The following ITGBL1 variants were observed in gnomAD, a reference collection of about 807,000 sequenced individuals.
ITGBL1 encodes the protein integrin beta-like protein 1.
Under a neutral mutation model 68.5 loss-of-function variants are expected in ITGBL1, and 51 were observed. The observed-to-expected ratio is 0.74, with a 90% CI of 0.59 to 0.94. ITGBL1 has a LOEUF of 0.94. Among genes scored for constraint, ITGBL1 ranks in the 40% least tolerant of loss-of-function variants. The probability of loss-of-function intolerance (pLI) is 0.00; values close to 1 mark genes in which losing one functional copy is unlikely to be tolerated. For synonymous variants in ITGBL1, 209 were observed against 227.3 expected (o/e 0.92, Z 0.72); for missense variants, 649 against 647.4 (o/e 1.00, Z -0.03).
chr13:101,493,031 A>T (rs1333660869), intron 2 of ITGBL1, among the ~76,000 whole-genome samples: 1 of 152,206 alleles, frequency 6.6e-6, no homozygotes, highest in Non-Finnish European at 1.5e-5. Context: ...TGTTGTACAA[A>T]GTTTATTGTG....
At chr13:101,498,089 T>TTAATATATCTG (rs2048883766) in intron 2 of ITGBL1, among the ~76,000 whole-genome samples, 1 of 152,168 alleles carries the variant, frequency 6.6e-6, no homozygotes, top group African/African-American at 2.4e-5. Context: ...TATGCACATC[T>TTAATATATCTG]TAATATATCT....
intron 6 of ITGBL1, among the ~76,000 whole-genome samples, chr13:101,591,875 G>T (rs562854390): frequency 2.0e-5 from 3 of 152,128 alleles, no homozygotes; most frequent in South Asian, 4.2e-4. Context: ...TAGGAATTAT[G>T]GAAAGCTCAG....
chr13:101,544,365 G>A lies in ITGBL1; in HGVS notation c.317-23334G>A, dbSNP rs886342248. On this transcript the variant is annotated intron_variant, in intron 2 of 10. Coordinates refer to ENST00000376180, the MANE Select transcript of ITGBL1 (RefSeq NM_004791.3). ...TATCAGCAGCGGCAGCTGCAGAACC[G>A]CGGATATTGGTGAACAGCAAATGTT... Among the ~76,000 whole-genome samples, 9 of 152,314 alleles carry A rather than the reference G, an allele frequency of 5.9e-5. No homozygotes were observed. In the South Asian group the frequency reaches 1.4e-3, roughly 25 times the overall value.
intron 2 of ITGBL1, among the ~76,000 whole-genome samples, chr13:101,457,895 A>G (rs918245757): frequency 4.6e-5 from 7 of 152,242 alleles, no homozygotes; most frequent in Non-Finnish European, 7.3e-5. Flanking sequence ...TTTCTAAAGC[A>G]TTCCTGGTTG....
intron 7 of ITGBL1, among the ~76,000 whole-genome samples, chr13:101,647,525 A>G (rs2032599847): frequency 6.6e-6 from 1 of 152,236 alleles, no homozygotes; most frequent in Admixed American, 6.5e-5. Flanking sequence ...GAATGCCGTT[A>G]AGGCAGCCAG....
At chr13:101,547,673 A>T (rs1422297593) in intron 2 of ITGBL1, among the ~76,000 whole-genome samples, 1 of 151,804 alleles carries the variant, frequency 6.6e-6, no homozygotes, top group Non-Finnish European at 1.5e-5. Flanking sequence ...AGTCAAAAAT[A>T]ATTTATTGTA....
chr13:101,615,411 G>A (rs1365741013), intron 7 of ITGBL1, among the ~76,000 whole-genome samples: 3 of 152,108 alleles, frequency 2.0e-5, no homozygotes, highest in Non-Finnish European at 2.9e-5. Context: ...AATCAAGCCC[G>A]CTTCTACCAG....
intron 2 of ITGBL1, among the ~76,000 whole-genome samples, chr13:101,454,796 G>A (rs936952401): frequency 6.6e-6 from 1 of 152,080 alleles, no homozygotes; most frequent in African/African-American, 2.4e-5. Context: ...CTGTAACAAG[G>A]AAAAAAGTAA....
At chr13:101,561,578 CAG>C (rs773794912) in intron 2 of ITGBL1, among the ~76,000 whole-genome samples, 1 of 152,048 alleles carries the variant, frequency 6.6e-6, no homozygotes, top group Non-Finnish European at 1.5e-5. Flanking sequence ...CAAAAACAAA[CAG>C]AAACTCTTAC....
intron 2 of ITGBL1, among the ~76,000 whole-genome samples, chr13:101,535,229 T>C (rs1384371137): frequency 6.6e-6 from 1 of 152,072 alleles, no homozygotes; most frequent in Non-Finnish European, 1.5e-5. Context: ...ATCTTAAGTA[T>C]GTTTTTATTA....
chr13:101,655,587 G>C (rs965875813), intron 7 of ITGBL1, among the ~76,000 whole-genome samples: 1 of 151,808 alleles, frequency 6.6e-6, no homozygotes, highest in African/African-American at 2.4e-5. Flanking sequence ...ATTTCTGTGT[G>C]TAAACCCAAT....
At chr13:101,520,759 C>T (rs1304688194) in intron 2 of ITGBL1, among the ~76,000 whole-genome samples, 11 of 152,118 alleles carry the variant, frequency 7.2e-5, no homozygotes, top group East Asian at 1.9e-4. Context: ...TTTGCTGAGA[C>T]GGCAAAACAA....
intron 10 of ITGBL1, 28 bp downstream of exon 10, chr13:101,714,579 C>A: frequency 1.5e-6 from 2 of 1,313,514 alleles, no homozygotes; most frequent in Non-Finnish European, 2.2e-6. Flanking sequence ...TCTAATTGCT[C>A]TATGCCACAG....
chr13:101,559,179 C>A (rs1397215711), intron 2 of ITGBL1, among the ~76,000 whole-genome samples: 2 of 152,106 alleles, frequency 1.3e-5, no homozygotes, highest in Admixed American at 6.6e-5. Context: ...GTCATGGTTG[C>A]TTTTAGTAGC....
At chr13:101,707,005 G>GC in intron 9 of ITGBL1, 103 bp downstream of exon 9, 1 of 1,233,172 alleles carries the variant, frequency 8.1e-7, no homozygotes, top group Non-Finnish European at 1.2e-6. Context: ...TTGCATGAAA[G>GC]CAAACCACTA....
At chr13:101,454,399 T>TGCC (rs2048210934) in intron 2 of ITGBL1, among the ~76,000 whole-genome samples, 2 of 135,814 alleles carry the variant, frequency 1.5e-5, no homozygotes, top group Non-Finnish European at 3.3e-5. Context: ...CCCTGGCTGG[T>TGCC]CCCCCCCCCC....
intron 7 of ITGBL1, among the ~76,000 whole-genome samples, chr13:101,637,294 A>C (rs970642894): frequency 6.6e-6 from 1 of 151,952 alleles, no homozygotes. Context: ...TATGGTTTGA[A>C]GTTAAATCGG....
At chr13:101,690,691 A>G (rs754764273) in intron 7 of ITGBL1, among the ~76,000 whole-genome samples, 3 of 152,174 alleles carry the variant, frequency 2.0e-5, no homozygotes, top group Non-Finnish European at 2.9e-5. Flanking sequence ...TCTAAAACCA[A>G]CACTACTAAT....
intron 7 of ITGBL1, among the ~76,000 whole-genome samples, chr13:101,665,870 CACACACAA>C (rs2033202517): frequency 6.6e-6 from 1 of 152,208 alleles, no homozygotes; most frequent in Non-Finnish European, 1.5e-5. Flanking sequence ...CACAGTCTTA[CACACACAA>C]AAATATATAT....
Sources: gnomAD v4.1 joint callset for allele counts (sites outside exome capture counted in the v4.1 genomes callset) on GRCh38, gnomAD v4.1.1 for gene constraint, MANE v1.5 for transcripts, NCBI Gene and HGNC (gene_info 2026-07-23, HGNC 2026-07-21) for gene names.